MAGI1: variants seen among roughly 807,000 people sequenced by gnomAD.
MAGI1 encodes membrane-associated guanylate kinase, WW and PDZ domain-containing protein 1.
A neutral mutation model predicts 139.9 loss-of-function variants in MAGI1; 58 were observed. That is an observed-to-expected ratio of 0.41 (90% CI 0.34 to 0.52). MAGI1 has a LOEUF of 0.52. Ranked by LOEUF, MAGI1 falls within the 20% of genes least tolerant of loss-of-function variation. The probability of loss-of-function intolerance (pLI) is 0.12; values close to 1 mark genes in which losing one functional copy is unlikely to be tolerated. For synonymous variants in MAGI1, 812 were observed against 737.9 expected (o/e 1.10, Z -1.63); for missense variants, 1,874 against 1,901.6 (o/e 0.99, Z 0.27).
intron 1 of MAGI1, among the ~76,000 whole-genome samples, chr3:65,910,671 T>C (rs1476938432): frequency 6.6e-6 from 1 of 151,924 alleles, no homozygotes; most frequent in African/African-American, 2.4e-5. Context: ...TAGAAACGAG[T>C]GCCCCCAACC....
intron 1 of MAGI1, among the ~76,000 whole-genome samples, chr3:65,868,863 C>T (rs1360810812): frequency 3.3e-5 from 5 of 152,148 alleles, no homozygotes; most frequent in African/African-American, 4.8e-5. Context: ...ACAAAGTCCA[C>T]CCTGATCACC....
intron 2 of MAGI1, among the ~76,000 whole-genome samples, chr3:65,506,199 G>A (rs2077281446): frequency 6.6e-6 from 1 of 152,100 alleles, no homozygotes; most frequent in Non-Finnish European, 1.5e-5. Context: ...AACATTTTGG[G>A]TCTTGGTTTC....
At chr3:65,714,070 T>C (rs2107660491) in intron 1 of MAGI1, among the ~76,000 whole-genome samples, 1 of 152,306 alleles carries the variant, frequency 6.6e-6, no homozygotes, top group South Asian at 2.1e-4. Context: ...TCTTGGCTGC[T>C]CTATCTGTAA....
intron 1 of MAGI1, among the ~76,000 whole-genome samples, chr3:65,797,187 G>T (rs921943296): frequency 1.1e-4 from 16 of 152,146 alleles, no homozygotes; most frequent in African/African-American, 3.6e-4. Flanking sequence ...TCCAATTAGT[G>T]CAGACAATGT....
intron 22 of MAGI1, chr3:65,360,814 T>C: frequency 9.4e-7 from 1 of 1,061,848 alleles, no homozygotes; most frequent in African/African-American, 1.7e-5. Flanking sequence ...TGCCTCAACA[T>C]ATCACTCAGG....
At chr3:65,693,175 G>C (rs2088832579) in intron 1 of MAGI1, among the ~76,000 whole-genome samples, 2 of 152,108 alleles carry the variant, frequency 1.3e-5, no homozygotes, top group Non-Finnish European at 2.9e-5. Context: ...GAACTCCCAT[G>C]TTCAACCAAT....
chr3:65,902,618 T>G (rs2061278898), intron 1 of MAGI1: 1 of 152,698 alleles, frequency 6.5e-6, no homozygotes, highest in South Asian at 2.1e-4. Context: ...TGTGGCTCCC[T>G]CCCACTTATT....
chr3:65,370,752 TC>T (rs553995097), intron 18 of MAGI1, among the ~76,000 whole-genome samples: 23 of 152,282 alleles, frequency 1.5e-4, no homozygotes, highest in Admixed American at 7.8e-4. Flanking sequence ...CCAGCCATCC[TC>T]CCGCCAGCGT....
intron 2 of MAGI1, among the ~76,000 whole-genome samples, chr3:65,530,969 T>C (rs375960229): frequency 9.3e-5 from 14 of 150,934 alleles, no homozygotes; most frequent in African/African-American, 2.7e-4. Flanking sequence ...AAATTTCTAT[T>C]TGCATCTCTG....
intron 1 of MAGI1, among the ~76,000 whole-genome samples, chr3:66,027,786 T>C (rs1455689969): frequency 6.6e-6 from 1 of 152,208 alleles, no homozygotes; most frequent in Non-Finnish European, 1.5e-5. Context: ...ACTGACATTT[T>C]GGGCTGGATA....
chr3:65,466,512 A>C (rs1269469299), intron 5 of MAGI1, among the ~76,000 whole-genome samples: 1 of 152,074 alleles, frequency 6.6e-6, no homozygotes, highest in Non-Finnish European at 1.5e-5. Context: ...GCTCCCCACC[A>C]GGCCTTTGTT....
At chr3:65,604,162 T>C (rs1232014323) in intron 2 of MAGI1, among the ~76,000 whole-genome samples, 11 of 151,996 alleles carry the variant, frequency 7.2e-5, no homozygotes, top group Non-Finnish European at 1.6e-4. Flanking sequence ...GCATTAAATA[T>C]GCACATTTAT....
At chr3:65,612,551 T>C (rs2083177820) in intron 2 of MAGI1, among the ~76,000 whole-genome samples, 1 of 152,170 alleles carries the variant, frequency 6.6e-6, no homozygotes, top group Non-Finnish European at 1.5e-5. Context: ...TTTATTCATA[T>C]TGTAGTGAAA....
chr3:65,583,178 T>C (rs534748414), intron 2 of MAGI1, among the ~76,000 whole-genome samples: 74 of 152,294 alleles, frequency 4.9e-4, no homozygotes, highest in Non-Finnish European at 7.6e-4. Context: ...CAGTCACATG[T>C]GGCTAGTGAC....
intron 18 of MAGI1, among the ~76,000 whole-genome samples, 155 bp downstream of exon 18, chr3:65,375,590 G>A (rs962018401): frequency 2.6e-5 from 4 of 152,070 alleles, no homozygotes; most frequent in African/African-American, 9.7e-5. Flanking sequence ...TTTACCTGAT[G>A]GGTATATTTA....
intron 12 of MAGI1, among the ~76,000 whole-genome samples, chr3:65,424,105 G>A (rs1252112106): frequency 6.6e-6 from 1 of 152,090 alleles, no homozygotes; most frequent in African/African-American, 2.4e-5. Flanking sequence ...ACCTTCTTGG[G>A]CATGTGTGTG....
intron 21 of MAGI1, among the ~76,000 whole-genome samples, chr3:65,361,846 G>A (rs1173426137): frequency 6.6e-6 from 1 of 152,188 alleles, no homozygotes; most frequent in African/African-American, 2.4e-5. Flanking sequence ...ATAATGAAAT[G>A]AGGGACTGCC....
At chr3:65,423,877 G>T (rs1365217611) in intron 12 of MAGI1, among the ~76,000 whole-genome samples, 4 of 152,052 alleles carry the variant, frequency 2.6e-5, no homozygotes, top group Non-Finnish European at 5.9e-5. Flanking sequence ...TCTTATGCAG[G>T]TTTTCCCAAC....
At chr3:66,015,555 A>G (rs1373188078) in intron 1 of MAGI1, among the ~76,000 whole-genome samples, 1 of 152,234 alleles carries the variant, frequency 6.6e-6, no homozygotes, top group East Asian at 1.9e-4. Flanking sequence ...TGAGAAGTAA[A>G]TGAGTTGATA....
Sources: allele counts gnomAD v4.1 joint callset (sites outside exome capture counted in the v4.1 genomes callset), GRCh38; gene constraint gnomAD v4.1.1; transcripts MANE v1.5; gene names NCBI Gene and HGNC (gene_info 2026-07-23, HGNC 2026-07-21).